NBEA: variants seen among roughly 807,000 people sequenced by gnomAD.
NBEA encodes lysosomal-trafficking regulator 2.
A neutral mutation model predicts 343.4 loss-of-function variants in NBEA; 44 were observed. That is an observed-to-expected ratio of 0.13 (90% CI 0.10 to 0.16). The LOEUF (loss-of-function observed/expected upper bound fraction) is 0.16, where lower values mean the gene tolerates loss of function less well. Ranked by LOEUF, NBEA falls within the 10% of genes least tolerant of loss-of-function variation. The pLI is 1.00. For missense variants in NBEA, 2,555 were observed against 3,631.3 expected, an observed-to-expected ratio of 0.70 and a Z score of 7.62; for synonymous variants, 1,175 against 1,238.7, an observed-to-expected ratio of 0.95 and a Z score of 1.08.
At chr13:35,107,721 G>A (rs1444342950) in intron 11 of NBEA, among the ~76,000 whole-genome samples, 1 of 151,918 alleles carries the variant, frequency 6.6e-6, no homozygotes, top group African/African-American at 2.4e-5. Context: ...TTGACTAATA[G>A]TGAGTAATCA....
Position 35,611,192 on chromosome 13 carries a change from AG to A in NBEA, c.7449+4615del, listed in dbSNP as rs761806834. On this transcript the variant is annotated intron_variant, in intron 48 of 58. Coordinates refer to ENST00000379939, the MANE Select transcript of NBEA (RefSeq NM_001385012.1). ...CCCAGCAACCCTGCTTCTTGGTTTT[AG>A]CCCCCCAAAAATGAAAACTTATACA... Among the ~76,000 whole-genome samples the A allele has an allele frequency of 3.3e-5, 5 of 152,300 alleles. No homozygotes were observed. The East Asian group carries it at 5.8e-4, about 18-fold the overall frequency.
At chr13:35,224,579 G>C (rs2074550584) in intron 33 of NBEA, among the ~76,000 whole-genome samples, 1 of 151,880 alleles carries the variant, frequency 6.6e-6, no homozygotes, top group African/African-American at 2.4e-5. Flanking sequence ...TTCTTTTACT[G>C]TATTTTTTAT....
chr13:35,067,575 A>G (rs2063701172), intron 8 of NBEA, among the ~76,000 whole-genome samples: 1 of 152,098 alleles, frequency 6.6e-6, no homozygotes, highest in African/African-American at 2.4e-5. Context: ...CCCCAGAAGG[A>G]TCCTACCTGC....
At chr13:35,060,094 GTTCT>G (rs2063413102) in intron 8 of NBEA, among the ~76,000 whole-genome samples, 1 of 151,604 alleles carries the variant, frequency 6.6e-6, no homozygotes, top group Admixed American at 6.6e-5. Flanking sequence ...TTCTTTCCTA[GTTCT>G]TTGAGTTTTT....
chr13:35,405,600 T>G (rs2043230831), intron 38 of NBEA, among the ~76,000 whole-genome samples: 1 of 152,150 alleles, frequency 6.6e-6, no homozygotes, highest in South Asian at 2.1e-4. Context: ...AAATATTTTA[T>G]GAGATTTAAA....
intron 1 of NBEA, among the ~76,000 whole-genome samples, chr13:34,990,510 GA>G (rs1428057486): frequency 6.6e-6 from 1 of 151,094 alleles, no homozygotes; most frequent in East Asian, 1.9e-4. Context: ...TGGAGCTGGA[GA>G]AGCTAGGATG....
At chr13:34,999,980 T>C (rs2061071803) in intron 1 of NBEA, among the ~76,000 whole-genome samples, 1 of 152,178 alleles carries the variant, frequency 6.6e-6, no homozygotes. Flanking sequence ...ATCTTCCTTC[T>C]GTCTGTCTAC....
intron 49 of NBEA, among the ~76,000 whole-genome samples, chr13:35,629,670 C>T (rs2083372763): frequency 6.6e-6 from 1 of 152,150 alleles, no homozygotes; most frequent in Admixed American, 6.5e-5. Context: ...GGAATTTTCT[C>T]TACAAATCAT....
At chr13:35,404,425 A>G (rs2043160088) in intron 38 of NBEA, among the ~76,000 whole-genome samples, 1 of 151,352 alleles carries the variant, frequency 6.6e-6, no homozygotes, top group Admixed American at 6.6e-5. Context: ...ATGCAGCCAT[A>G]AAAAAGGATG....
intron 21 of NBEA, among the ~76,000 whole-genome samples, chr13:35,158,037 C>A: frequency 6.6e-6 from 1 of 152,108 alleles, no homozygotes; most frequent in South Asian, 2.1e-4. Flanking sequence ...CTCAACTCTG[C>A]CGTTCAGTGT....
chr13:35,359,517 T>A (rs1416199), intron 38 of NBEA, among the ~76,000 whole-genome samples: 42,200 of 151,794 alleles, frequency 0.28, 7,319 homozygotes, highest in African/African-American at 0.49. Context: ...ACCAAAAAAA[T>A]AGTTTAGTTA....
intron 48 of NBEA, among the ~76,000 whole-genome samples, chr13:35,616,356 A>G (rs2082740157): frequency 6.6e-6 from 1 of 152,220 alleles, no homozygotes; most frequent in Non-Finnish European, 1.5e-5. Flanking sequence ...AATTATAAAG[A>G]AACTTTGGAA....
At chr13:35,023,965 T>C (rs1020138108) in intron 1 of NBEA, among the ~76,000 whole-genome samples, 3 of 152,140 alleles carry the variant, frequency 2.0e-5, no homozygotes, top group African/African-American at 7.2e-5. Flanking sequence ...TTTTCAACCC[T>C]TGTGCACCTC....
At position 35,588,638 on chromosome 13, in the gene NBEA, A is replaced by T. The variant is rs118125577; in HGVS notation, c.7176+4600A>T. Among the ~76,000 whole-genome samples, 1,101 of 152,294 alleles carry T rather than the reference A, an allele frequency of 7.2e-3. 6 individuals carry two copies. The highest frequency in any genetic ancestry group is 0.012 in the South Asian group (60 of 4,832). ...ACCCTGAAAAGACTGTTTTCCTGACAGCTGCCATTGGGCAAATCATGAATA... is the reference window on the plus strand; with the variant it reads ...ACCCTGAAAAGACTGTTTTCCTGACTGCTGCCATTGGGCAAATCATGAATA... On this transcript the variant is annotated intron_variant, in intron 46 of 58. Coordinates refer to ENST00000379939, the MANE Select transcript of NBEA (RefSeq NM_001385012.1).
chr13:35,279,623 C>CA (rs1331540400), intron 34 of NBEA, among the ~76,000 whole-genome samples: 4 of 152,112 alleles, frequency 2.6e-5, no homozygotes, highest in Non-Finnish European at 5.9e-5. Flanking sequence ...AGTATACAGA[C>CA]AGAGTTTTTC....
intron 12 of NBEA, 86 bp downstream of exon 12, chr13:35,109,528 T>G (rs1356955593): frequency 3.2e-6 from 4 of 1,237,570 alleles, no homozygotes; most frequent in African/African-American, 1.5e-5. Context: ...TGGAAAACAT[T>G]TGAACATTTT....
chr13:34,975,738 A>G (rs2060150432), intron 1 of NBEA, among the ~76,000 whole-genome samples: 1 of 152,206 alleles, frequency 6.6e-6, no homozygotes, highest in South Asian at 2.1e-4. Flanking sequence ...CAAGAAAAAA[A>G]AAATCCCATC....
chr13:35,651,970 A>G, intron 53 of NBEA, 94 bp downstream of exon 53: 3 of 737,470 alleles, frequency 4.1e-6, no homozygotes, highest in Non-Finnish European at 6.9e-6. Flanking sequence ...TATTTTTTCT[A>G]CCACAAGATT....
intron 34 of NBEA, chr13:35,251,172 A>G: frequency 3.9e-6 from 1 of 255,626 alleles, no homozygotes; most frequent in South Asian, 5.8e-5. Context: ...GGAGTGTGGG[A>G]CATTGTGGTA....
Sources: allele counts gnomAD v4.1 joint callset (sites outside exome capture counted in the v4.1 genomes callset), GRCh38; gene constraint gnomAD v4.1.1; transcripts MANE v1.5; gene names NCBI Gene and HGNC (gene_info 2026-07-23, HGNC 2026-07-21).